The following FAM13C variants were observed in gnomAD, a reference collection of about 807,000 sequenced individuals.
The protein encoded by FAM13C is protein FAM13C.
FAM13C carries 37 observed loss-of-function variants against 73.2 expected under a neutral mutation model. That is an observed-to-expected ratio of 0.51 (90% confidence interval 0.39 to 0.67). FAM13C has a LOEUF of 0.67. Among genes scored for constraint, FAM13C ranks in the 30% least tolerant of loss-of-function variants. The probability of loss-of-function intolerance (pLI) is 0.00; values close to 1 mark genes in which losing one functional copy is unlikely to be tolerated. For synonymous variants in FAM13C, 246 were observed against 260.9 expected (o/e 0.94, Z 0.55); for missense variants, 589 against 715.6 (o/e 0.82, Z 2.02).
Position 59,307,673 on chromosome 10 carries a change from AT to A in FAM13C, c.444-4810del, listed in dbSNP as rs1848424109. 5.9e-5 allele frequency among the ~76,000 whole-genome samples: 9 copies of A among 152,300 alleles called. 1 individual carries two copies. The South Asian group carries it at 1.9e-3, about 32-fold the overall frequency. On this transcript the variant is annotated intron_variant, in intron 4 of 13. Coordinates refer to ENST00000618804, the MANE Select transcript of FAM13C (RefSeq NM_198215.4). ...GTGGAACTTATATTCTCACGGAAGGATAACAAAAAGAAATAAACCAGTGATT... is the reference window on the plus strand; with the variant it reads ...GTGGAACTTATATTCTCACGGAAGGAAACAAAAAGAAATAAACCAGTGATT...
chr10:59,341,603 C>T (rs989358573), intron 3 of FAM13C, among the ~76,000 whole-genome samples: 2 of 152,088 alleles, frequency 1.3e-5, no homozygotes, highest in South Asian at 2.1e-4. Flanking sequence ...GCAGGAGAAT[C>T]GCTTGAACCC....
chr10:59,355,938 T>C lies in FAM13C; in HGVS notation c.68A>G (p.Asp23Gly). ...TTCATGTAGAGAGACTGGATCTTCG[T>C]CACACCTGGAAGAGTGGGAAGAAAA... The part of the protein sequence containing the change: ...SFSSTTVTEC[D>G]EDPVSLHEDQ... The change falls in exon 2 of 14, where the codon GAC (aspartate) becomes GGC (glycine). Residue 23 changes from aspartate (D) to glycine (G), a missense_variant. Asp to Gly is a moderately conservative substitution (Grantham distance 94). Transcript: ENST00000618804. 3 of 1,613,984 alleles carry C rather than the reference T, an allele frequency of 1.9e-6. No homozygotes were observed. Among genetic ancestry groups the C allele is most frequent in the South Asian group, 1.1e-5 (1 of 91,076 alleles).
rs189782078 is a variant in FAM13C at position 59,322,757 on chromosome 10, C to T, written c.443+1231G>A. ...CTTTCTTCTTTCTGAGAGAGACAGT[C>T]ATCAGGCTGGTGGGCCACTGACTAA... On this transcript the variant is annotated intron_variant, in intron 4 of 13. Coordinates refer to ENST00000618804, the MANE Select transcript of FAM13C (RefSeq NM_198215.4). 5.3e-5 allele frequency among the ~76,000 whole-genome samples: 8 copies of T among 152,250 alleles called. No homozygotes were observed. In the East Asian group the frequency reaches 1.5e-3, roughly 29 times the overall value.
intron 1 of FAM13C, chr10:59,360,990 A>C (rs559474976): frequency 1.3e-5 from 17 of 1,283,868 alleles, no homozygotes; most frequent in Non-Finnish European, 1.7e-5. Flanking sequence ...GAAAGCACTT[A>C]GTACTTTAAG....
In FAM13C at chr10:59,270,078, A is replaced by G; in HGVS notation, c.624T>C (p.Asn208=). Reference sequence around the variant, plus strand: ...GGTCTTCTGGTGCACTGTCGGCCTCATTCTGCCCATCTTTGTGGACTGGTG... The same window carrying G: ...GGTCTTCTGGTGCACTGTCGGCCTCGTTCTGCCCATCTTTGTGGACTGGTG... ...DPSPVHKDGQ[N]EADSAPEDLH... is the part of the protein sequence containing the mutation. The change falls in exon 7 of 14, where the codon AAT becomes AAC. Residue 208 remains asparagine, a synonymous_variant. Transcript: ENST00000618804. The G allele has an allele frequency of 1.2e-6, 2 of 1,613,426 alleles. No individual in the cohort carries two copies. The highest frequency in any genetic ancestry group is 1.7e-6 in the Non-Finnish European group (2 of 1,179,750).
chr10:59,304,081 G>A (rs1410656225), intron 4 of FAM13C, among the ~76,000 whole-genome samples: 1 of 152,124 alleles, frequency 6.6e-6, no homozygotes, highest in African/African-American at 2.4e-5. Flanking sequence ...CTGGGAGGCG[G>A]AGGTTGCAAT....
At chr10:59,297,132 G>T (rs1847014636) in intron 5 of FAM13C, 1 of 152,150 alleles carries the variant, frequency 6.6e-6, no homozygotes, top group Non-Finnish European at 1.5e-5. Flanking sequence ...CATTGCCAAG[G>T]TCTGATTGCA....
chr10:59,251,716 A>G (rs1841395727), intron 12 of FAM13C, 40 bp from the exon 13 acceptor site: 2 of 1,434,632 alleles, frequency 1.4e-6, no homozygotes, highest in South Asian at 2.6e-5. Context: ...GGGCACTGGC[A>G]TAATTGAGAG....
intron 13 of FAM13C, among the ~76,000 whole-genome samples, chr10:59,250,996 A>T (rs1425263909): frequency 6.6e-6 from 1 of 152,130 alleles, no homozygotes; most frequent in African/African-American, 2.4e-5. Flanking sequence ...TACACCAAAA[A>T]TTGGAGGAAA....
At chr10:59,289,653 T>C (rs575301301) in intron 5 of FAM13C, among the ~76,000 whole-genome samples, 1 of 152,282 alleles carries the variant, frequency 6.6e-6, no homozygotes, top group Non-Finnish European at 1.5e-5. Flanking sequence ...ACAGTTATTA[T>C]TGTCATAGGG....
intron 8 of FAM13C, among the ~76,000 whole-genome samples, chr10:59,267,130 T>A (rs975647702): frequency 1.3e-5 from 2 of 152,198 alleles, no homozygotes; most frequent in Middle Eastern, 3.2e-3. Context: ...ACTCAAGAAC[T>A]GCCAGATAAG....
chr10:59,283,719 T>C, intron 5 of FAM13C: 2 of 583,894 alleles, frequency 3.4e-6, no homozygotes, highest in South Asian at 4.3e-5. Flanking sequence ...AATCCTAACG[T>C]ATATGGATTA....
In FAM13C at chr10:59,321,059, A is replaced by G. The variant is rs78630934; in HGVS notation, c.443+2929T>C. Among the ~76,000 whole-genome samples, 738 of 152,354 alleles carry G rather than the reference A, an allele frequency of 4.8e-3. 2 individuals are homozygous for G. Among genetic ancestry groups the G allele is most frequent in the African/African-American group, 0.017 (691 of 41,570 alleles). ...AGATTTTCACTAGAAAAAAATAAACATACATGTAGTGGACAGAATAATAGC... is the reference window on the plus strand; with the variant it reads ...AGATTTTCACTAGAAAAAAATAAACGTACATGTAGTGGACAGAATAATAGC... On this transcript the variant is annotated intron_variant, in intron 4 of 13. Coordinates refer to ENST00000618804, the MANE Select transcript of FAM13C (RefSeq NM_198215.4).
intron 8 of FAM13C, among the ~76,000 whole-genome samples, chr10:59,264,594 G>A (rs1842836327): frequency 6.6e-6 from 1 of 152,136 alleles, no homozygotes; most frequent in African/African-American, 2.4e-5. Context: ...TTACTACCTT[G>A]CTTGTGGCTC....
At chr10:59,268,012 C>G (rs1843259087) in intron 8 of FAM13C, among the ~76,000 whole-genome samples, 1 of 152,082 alleles carries the variant, frequency 6.6e-6, no homozygotes, top group African/African-American at 2.4e-5. Context: ...TAGTGTCTCT[C>G]TGATGGGGAA....
At position 59,337,122 on chromosome 10, in the gene FAM13C, A is replaced by T. The variant is rs140972092; in HGVS notation, c.325-13016T>A. Among the ~76,000 whole-genome samples the T allele has an allele frequency of 3.3e-5, 5 of 152,230 alleles. No homozygotes were observed. In the East Asian group the frequency reaches 9.6e-4, roughly 29 times the overall value. On this transcript the variant is annotated intron_variant, in intron 3 of 13. Transcript: ENST00000618804. The stretch of plus-strand genomic sequence containing the variant: ...TTTCCATATAGCCCTCTTTTTTGTG[A>T]TCTTTTAGCACTTTATTTGTAATTC...
chr10:59,279,622 C>T (rs1052582313), intron 6 of FAM13C, among the ~76,000 whole-genome samples: 2 of 152,164 alleles, frequency 1.3e-5, no homozygotes, highest in African/African-American at 4.8e-5. Context: ...GGAACATGAA[C>T]AGTCCTTCTC....
At chr10:59,284,597 C>T (rs759019448) in intron 5 of FAM13C, among the ~76,000 whole-genome samples, 18 of 150,786 alleles carry the variant, frequency 1.2e-4, no homozygotes, top group Admixed American at 3.3e-4. Context: ...CACACACACA[C>T]GTATGTACAC....
chr10:59,341,183 G>A (rs1319681578), intron 3 of FAM13C, among the ~76,000 whole-genome samples: 1 of 152,060 alleles, frequency 6.6e-6, no homozygotes, highest in Non-Finnish European at 1.5e-5. Context: ...CTACCACGCT[G>A]GCAAATCGAC....
Sources: gnomAD v4.1 joint callset for allele counts (sites outside exome capture counted in the v4.1 genomes callset) on GRCh38, gnomAD v4.1.1 for gene constraint, MANE v1.5 for transcripts, NCBI Gene and HGNC (gene_info 2026-07-23, HGNC 2026-07-21) for gene names.